UNC13C: variants seen among roughly 807,000 people sequenced by gnomAD.
UNC13C encodes protein unc-13 homolog C.
In UNC13C, 174 loss-of-function variants were observed where a neutral mutation model predicts 245.4. The ratio of observed to expected loss-of-function variants is 0.71; its 90% confidence interval spans 0.63 to 0.80. UNC13C has a LOEUF of 0.80. Ranked by LOEUF, UNC13C falls within the 30% of genes least tolerant of loss-of-function variation. The probability of loss-of-function intolerance (pLI) is 0.00; values close to 1 mark genes in which losing one functional copy is unlikely to be tolerated. For missense variants in UNC13C, 2,829 were observed against 2,602.9 expected, an observed-to-expected ratio of 1.09 and a Z score of -1.89; for synonymous variants, 992 against 895.1, an observed-to-expected ratio of 1.11 and a Z score of -1.93.
the UNC13C span, among the ~76,000 whole-genome samples, chr15:53,937,401 A>G: frequency 6.6e-6 from 1 of 152,222 alleles, no homozygotes; most frequent in African/African-American, 2.4e-5. Context: ...GACTGAACCT[A>G]TGACTAATTG....
At chr15:54,632,084 G>A (rs2911848), downstream of UNC13C, 26 of 152,094 alleles carry the variant, frequency 1.7e-4, no homozygotes, top group African/African-American at 6.3e-4. Flanking sequence ...TTCATCTGAG[G>A]ACTAATAACA....
At chr15:54,632,250 G>A (rs1037632968), downstream of UNC13C, 3 of 152,130 alleles carry the variant, frequency 2.0e-5, no homozygotes, top group Non-Finnish European at 4.4e-5. Flanking sequence ...GATATGAAAT[G>A]TGCAACTATT....
Position 54,611,993 on chromosome 15 carries a change from C to CT in UNC13C, c.6107-10333dup, listed in dbSNP as rs557142713. Among the ~76,000 whole-genome samples, 59 of 150,994 alleles carry CT rather than the reference C, an allele frequency of 3.9e-4. 1 individual carries two copies. The highest frequency in any genetic ancestry group is 1.9e-3 in the Admixed American group (29 of 15,288). On this transcript the variant is annotated intron_variant, in intron 30 of 32. Coordinates refer to ENST00000260323, the MANE Select transcript of UNC13C (RefSeq NM_001080534.3). ...ACTGTTGCACTGATCACATGGATATCTCATTTAATGATTTACTCAGCAATT... is the reference window on the plus strand; with the variant it reads ...ACTGTTGCACTGATCACATGGATATCTTCATTTAATGATTTACTCAGCAATT...
intron 2 of UNC13C, among the ~76,000 whole-genome samples, chr15:54,053,104 A>C (rs972254284): frequency 6.6e-6 from 1 of 152,184 alleles, no homozygotes; most frequent in African/African-American, 2.4e-5. Context: ...TGTTCAAATA[A>C]TTCTCCTGGC....
chr15:54,004,700 T>C (rs1206381619), intron 1 of UNC13C, among the ~76,000 whole-genome samples: 1 of 152,230 alleles, frequency 6.6e-6, no homozygotes, highest in Non-Finnish European at 1.5e-5. Context: ...GATAAATCCA[T>C]TTTAACCGGA....
chr15:54,022,082 A>G (rs973081698), intron 2 of UNC13C, among the ~76,000 whole-genome samples: 3 of 152,220 alleles, frequency 2.0e-5, no homozygotes, highest in African/African-American at 4.8e-5. Context: ...TAAGCAACAC[A>G]TGACTGAATA....
At chr15:54,547,771 C>CAT (rs1486798920) in intron 27 of UNC13C, among the ~76,000 whole-genome samples, 3 of 152,072 alleles carry the variant, frequency 2.0e-5, no homozygotes, top group Non-Finnish European at 1.5e-5. Flanking sequence ...TTATAGCCTA[C>CAT]ATATATATAG....
chr15:54,032,004 T>C (rs974554872), intron 2 of UNC13C, among the ~76,000 whole-genome samples: 1 of 152,186 alleles, frequency 6.6e-6, no homozygotes, highest in African/African-American at 2.4e-5. Context: ...CCAATGTAAA[T>C]AGCTACCGGA....
chr15:54,356,709 T>C (rs937813945), intron 17 of UNC13C, among the ~76,000 whole-genome samples: 1 of 152,178 alleles, frequency 6.6e-6, no homozygotes, highest in African/African-American at 2.4e-5. Flanking sequence ...TCCTATCACA[T>C]TGAGTATTAG....
At chr15:54,542,673 C>A (rs1160825965) in intron 26 of UNC13C, among the ~76,000 whole-genome samples, 1 of 152,118 alleles carries the variant, frequency 6.6e-6, no homozygotes, top group African/African-American at 2.4e-5. Context: ...CTTTATGAAT[C>A]TGGGTGCTCC....
chr15:54,547,254 TC>T (rs1896527635), intron 27 of UNC13C, among the ~76,000 whole-genome samples: 1 of 152,206 alleles, frequency 6.6e-6, no homozygotes, highest in Non-Finnish European at 1.5e-5. Flanking sequence ...TTTTCACCTT[TC>T]TATTATGCTT....
intron 30 of UNC13C, among the ~76,000 whole-genome samples, chr15:54,583,696 C>G (rs1898314021): frequency 6.6e-6 from 1 of 152,186 alleles, no homozygotes; most frequent in African/African-American, 2.4e-5. Context: ...CAGGCCTGAC[C>G]TAAGTTGTCT....
At chr15:54,183,787 C>G (rs2033879133) in intron 4 of UNC13C, among the ~76,000 whole-genome samples, 1 of 148,878 alleles carries the variant, frequency 6.7e-6, no homozygotes, top group African/African-American at 2.5e-5. Flanking sequence ...TGGGACCAGT[C>G]ATTGCAGACA....
intron 29 of UNC13C, among the ~76,000 whole-genome samples, chr15:54,563,577 A>G (rs1484603928): frequency 6.6e-6 from 1 of 152,032 alleles, no homozygotes; most frequent in Non-Finnish European, 1.5e-5. Context: ...TTTGTTTAGA[A>G]TCAATGGAAA....
chr15:54,039,847 C>A (rs1896739486), intron 2 of UNC13C, among the ~76,000 whole-genome samples: 1 of 151,652 alleles, frequency 6.6e-6, no homozygotes, highest in Non-Finnish European at 1.5e-5. Flanking sequence ...TTTCCAGCCC[C>A]CCATCCTTTG....
At chr15:54,152,182 A>G (rs1007809313) in intron 4 of UNC13C, among the ~76,000 whole-genome samples, 3 of 151,958 alleles carry the variant, frequency 2.0e-5, no homozygotes, top group South Asian at 2.1e-4. Context: ...CTCATTCACA[A>G]TTTTTTTTCT....
chr15:53,987,648 A>C (rs529767445), intron 1 of UNC13C, among the ~76,000 whole-genome samples: 3 of 151,998 alleles, frequency 2.0e-5, no homozygotes, highest in Non-Finnish European at 1.5e-5. Context: ...GGACTCAGCA[A>C]TTGGCTCTGA....
At chr15:54,585,289 C>T (rs1197497396) in intron 30 of UNC13C, among the ~76,000 whole-genome samples, 1 of 152,134 alleles carries the variant, frequency 6.6e-6, no homozygotes, top group East Asian at 1.9e-4. Context: ...TATTCATTCA[C>T]TGAGATCTGG....
intron 32 of UNC13C, among the ~76,000 whole-genome samples, chr15:54,626,418 TA>T (rs1050330464): frequency 1.3e-3 from 127 of 100,868 alleles, no homozygotes; most frequent in African/African-American, 3.5e-3. Context: ...GATTTGGAGG[TA>T]AAGTGCGAGG....
Sources: gnomAD v4.1 joint callset for allele counts (sites outside exome capture counted in the v4.1 genomes callset) on GRCh38, gnomAD v4.1.1 for gene constraint, MANE v1.5 for transcripts, NCBI Gene and HGNC (gene_info 2026-07-23, HGNC 2026-07-21) for gene names.